The following PTPRC variants were observed in gnomAD, a reference collection of about 807,000 sequenced individuals.
The protein encoded by PTPRC is receptor-type tyrosine-protein phosphatase C.
In PTPRC, 44 loss-of-function variants were observed where a neutral mutation model predicts 155.9. The observed-to-expected ratio is 0.28, with a 90% confidence interval of 0.22 to 0.36. The LOEUF is 0.36. Ranked by LOEUF, PTPRC falls within the 10% of genes least tolerant of loss-of-function variation. The pLI, the probability that PTPRC is intolerant of heterozygous loss-of-function variation, is 1.00. For synonymous variants in PTPRC, 525 were observed against 533.1 expected (o/e 0.98, Z 0.21); for missense variants, 1,401 against 1,564.6 (o/e 0.90, Z 1.76).
intron 26 of PTPRC, among the ~76,000 whole-genome samples, chr1:198,747,883 GT>G (rs1022190137): frequency 6.6e-6 from 1 of 151,810 alleles, no homozygotes; most frequent in African/African-American, 2.4e-5. Flanking sequence ...GACATAGTCT[GT>G]TACATATATA....
chr1:198,646,022 G>A (rs34364757), intron 2 of PTPRC, among the ~76,000 whole-genome samples: 3 of 151,606 alleles, frequency 2.0e-5, no homozygotes, highest in Admixed American at 6.6e-5. Flanking sequence ...TACTGAACCC[G>A]TGATTTGATA....
chr1:198,678,694 G>C (rs773563355), intron 2 of PTPRC, among the ~76,000 whole-genome samples: 3 of 152,040 alleles, frequency 2.0e-5, no homozygotes, highest in Non-Finnish European at 4.4e-5. Context: ...AACACGCTGC[G>C]TACAATTCTG....
At chr1:198,708,683 C>A (rs1288155801) in intron 10 of PTPRC, among the ~76,000 whole-genome samples, 1 of 152,098 alleles carries the variant, frequency 6.6e-6, no homozygotes, top group African/African-American at 2.4e-5. Context: ...TTTTTCCATC[C>A]TGCATCAACA....
At chr1:198,663,488 C>T (rs115207200) in intron 2 of PTPRC, among the ~76,000 whole-genome samples, 100 of 152,280 alleles carry the variant, frequency 6.6e-4, no homozygotes, top group African/African-American at 2.3e-3. Context: ...TACTGGCAAG[C>T]TTCTGGAAGT....
chr1:198,750,665 C>A, intron 29 of PTPRC, 39 bp downstream of exon 29: 1 of 1,602,272 alleles, frequency 6.2e-7, no homozygotes, highest in South Asian at 1.1e-5. Context: ...GCCTTTCTGT[C>A]ATAAAACGTC....
At chr1:198,743,067 C>CAAAAAAAAAAAAAAAAAAAAAAAAA (rs10628640) in intron 25 of PTPRC, among the ~76,000 whole-genome samples, 2 of 75,926 alleles carry the variant, frequency 2.6e-5, no homozygotes, top group East Asian at 4.4e-4. Flanking sequence ...GTCAAAATAG[C>CAAAAAAAAAAAAAAAAAAAAAAAAA]AAAAAAAAAA....
At chr1:198,689,798 T>A (rs1464030803) in intron 2 of PTPRC, among the ~76,000 whole-genome samples, 1 of 152,166 alleles carries the variant, frequency 6.6e-6, no homozygotes, top group East Asian at 1.9e-4. Context: ...CTCTTCCTCA[T>A]CTTATTATGT....
intron 2 of PTPRC, among the ~76,000 whole-genome samples, chr1:198,680,309 C>T (rs1665240632): frequency 6.6e-6 from 1 of 151,918 alleles, no homozygotes; most frequent in South Asian, 2.1e-4. Flanking sequence ...AAATATTAGC[C>T]GGGTGTAGTG....
chr1:198,644,318 G>T (rs1314938452), intron 2 of PTPRC, among the ~76,000 whole-genome samples: 2 of 150,334 alleles, frequency 1.3e-5, no homozygotes, highest in East Asian at 3.9e-4. Flanking sequence ...CATACATAAA[G>T]ACCTCACTTT....
chr1:198,697,386 C>T (rs534274387), intron 4 of PTPRC, among the ~76,000 whole-genome samples: 5 of 152,226 alleles, frequency 3.3e-5, no homozygotes, highest in Non-Finnish European at 7.4e-5. Flanking sequence ...CTCTGAGAAT[C>T]GACAACCCAA....
rs769027528 is a variant in PTPRC, at chr1:198,748,105, T to C, written c.2848-4T>C. On this transcript the variant is annotated splice_polypyrimidine_tract_variant and splice_region_variant and intron_variant, in intron 26 of 32. Coordinates refer to ENST00000442510, the MANE Select transcript of PTPRC (RefSeq NM_002838.5). ...AGTTTTTCTGTTTTTTTTTTTTTTT[T>C]CAGAGACTTCCTTCATATAGGAGCT... is the stretch of plus-strand genomic sequence containing the variant. The C allele has an allele frequency of 1.4e-5, 22 of 1,576,512 alleles. No individual in the cohort carries two copies. In the African/African-American group the frequency reaches 1.7e-4, roughly 12 times the overall value.
At chr1:198,686,094 CTT>C in intron 2 of PTPRC, among the ~76,000 whole-genome samples, 1 of 152,038 alleles carries the variant, frequency 6.6e-6, no homozygotes, top group Middle Eastern at 3.4e-3. Flanking sequence ...TTCAAGGTAA[CTT>C]TGATTTGTGA....
chr1:198,733,138 A>ATT (rs1654473550), intron 20 of PTPRC, among the ~76,000 whole-genome samples: 1 of 151,828 alleles, frequency 6.6e-6, no homozygotes, highest in African/African-American at 2.4e-5. Context: ...TATTATACAA[A>ATT]TGTTAATTAA....
intron 3 of PTPRC, among the ~76,000 whole-genome samples, chr1:198,696,167 A>AAAAT (rs1666192083): frequency 6.9e-6 from 1 of 145,800 alleles, no homozygotes; most frequent in East Asian, 2.0e-4. Context: ...TCAAAAAGAA[A>AAAAT]ATATATATAT....
chr1:198,755,785 G>C, intron 32 of PTPRC, 121 bp from the exon 33 acceptor site: 1 of 1,081,546 alleles, frequency 9.2e-7, no homozygotes, highest in East Asian at 2.4e-5. Flanking sequence ...ATATCAAAAA[G>C]TACTTTTCTG....
At chr1:198,685,539 C>T (rs978026116) in intron 2 of PTPRC, among the ~76,000 whole-genome samples, 1 of 151,880 alleles carries the variant, frequency 6.6e-6, no homozygotes, top group South Asian at 2.1e-4. Flanking sequence ...CTTGTCGCTG[C>T]CCAGAGTGCT....
intron 3 of PTPRC, chr1:198,693,159 G>A (rs893869095): frequency 2.1e-6 from 2 of 931,016 alleles, no homozygotes; most frequent in Non-Finnish European, 2.6e-6. Flanking sequence ...CATGAAATTG[G>A]GTTATTAAAA....
At chr1:198,669,253 G>A (rs550714701) in intron 2 of PTPRC, among the ~76,000 whole-genome samples, 1 of 152,268 alleles carries the variant, frequency 6.6e-6, no homozygotes, top group African/African-American at 2.4e-5. Flanking sequence ...CTAATGCTTA[G>A]TGTTGTTTAC....
chr1:198,734,071 T>C, intron 20 of PTPRC, 125 bp from the exon 21 acceptor site: 1 of 901,360 alleles, frequency 1.1e-6, no homozygotes. Flanking sequence ...ACTTTGAAAC[T>C]GCCCAGAGAA....
Sources: gnomAD v4.1 joint callset for allele counts (sites outside exome capture counted in the v4.1 genomes callset) on GRCh38, gnomAD v4.1.1 for gene constraint, MANE v1.5 for transcripts, NCBI Gene and HGNC (gene_info 2026-07-23, HGNC 2026-07-21) for gene names.